PLCG2: variants seen among roughly 807,000 people sequenced by gnomAD.
The protein encoded by PLCG2 is 1-phosphatidylinositol 4,5-bisphosphate phosphodiesterase gamma-2.
In PLCG2, 69 loss-of-function variants were observed where a neutral mutation model predicts 175.6. That is an observed-to-expected ratio of 0.39 (90% CI 0.32 to 0.48). The LOEUF (loss-of-function observed/expected upper bound fraction) is 0.48, where lower values mean the gene tolerates loss of function less well. Ranked by LOEUF, PLCG2 falls within the 20% of genes least tolerant of loss-of-function variation. The probability of loss-of-function intolerance (pLI) is 0.91; values close to 1 mark genes in which losing one functional copy is unlikely to be tolerated. For missense variants in PLCG2, 1,798 were observed against 1,650.9 expected (o/e 1.09, Z -1.54); for synonymous variants, 827 against 624.0 (o/e 1.33, Z -4.85).
At chr16:81,769,754 A>G (rs1386595948) in intron 2 of PLCG2, among the ~76,000 whole-genome samples, 1 of 132,418 alleles carries the variant, frequency 7.6e-6, no homozygotes. Context: ...CGGGAGGCGG[A>G]GCTTGCAGTG....
chr16:81,847,498 C>T (rs575402000), intron 2 of PLCG2, among the ~76,000 whole-genome samples: 1 of 152,186 alleles, frequency 6.6e-6, no homozygotes, highest in Non-Finnish European at 1.5e-5. Flanking sequence ...CAACCTTCAT[C>T]CTGAGGTATC....
chr16:81,800,630 G>A (rs929641497), intron 2 of PLCG2, among the ~76,000 whole-genome samples: 1 of 152,032 alleles, frequency 6.6e-6, no homozygotes, highest in Non-Finnish European at 1.5e-5. Context: ...GGGCATTTGG[G>A]TTGATTCCCT....
chr16:81,885,051 CA>C (rs1361057809), intron 9 of PLCG2, among the ~76,000 whole-genome samples: 7,833 of 105,194 alleles, frequency 0.074, 290 homozygotes, highest in Non-Finnish European at 0.1. Flanking sequence ...CCATGCCTGA[CA>C]ATTTTTTTTT....
At chr16:81,765,440 G>T (rs963136512) in intron 2 of PLCG2, among the ~76,000 whole-genome samples, 1 of 152,218 alleles carries the variant, frequency 6.6e-6, no homozygotes, top group African/African-American at 2.4e-5. Context: ...AGACCAGCCT[G>T]GGCTACATGA....
At chr16:81,909,898 C>T (rs1259652269) in intron 17 of PLCG2, among the ~76,000 whole-genome samples, 1 of 151,598 alleles carries the variant, frequency 6.6e-6, no homozygotes, top group Non-Finnish European at 1.5e-5. Context: ...GTGGCTCAGA[C>T]AGCACGGGTG....
chr16:81,787,297 C>T (rs549969553), intron 2 of PLCG2, among the ~76,000 whole-genome samples: 1 of 152,064 alleles, frequency 6.6e-6, no homozygotes, highest in East Asian at 1.9e-4. Context: ...TCATGGCTCA[C>T]TGCAGCCTCA....
intron 26 of PLCG2, 126 bp from the exon 27 acceptor site, chr16:81,936,043 T>G: frequency 6.8e-7 from 1 of 1,473,146 alleles, no homozygotes; most frequent in African/African-American, 1.4e-5. Flanking sequence ...TCAGAACCCC[T>G]TGAATGTCAA....
intron 2 of PLCG2, chr16:81,798,984 T>C (rs1249923290): frequency 6.6e-6 from 1 of 152,286 alleles, no homozygotes; most frequent in African/African-American, 2.4e-5. Flanking sequence ...CTACACCAGG[T>C]AGTAGCATGA....
intron 9 of PLCG2, among the ~76,000 whole-genome samples, chr16:81,887,130 T>C (rs1283914228): frequency 6.6e-6 from 1 of 151,916 alleles, no homozygotes; most frequent in South Asian, 2.1e-4. Flanking sequence ...TTTTTTTTTT[T>C]TTCTTTTGAG....
chr16:81,746,164 C>T (rs992772986), intron 1 of PLCG2, among the ~76,000 whole-genome samples: 2 of 152,186 alleles, frequency 1.3e-5, no homozygotes, highest in Non-Finnish European at 2.9e-5. Context: ...GTGCTCAGGG[C>T]ACTGTGGCAC....
intron 10 of PLCG2, 122 bp from the exon 11 acceptor site, chr16:81,891,350 A>C: frequency 1.4e-6 from 1 of 692,374 alleles, no homozygotes; most frequent in Non-Finnish European, 2.7e-6. Flanking sequence ...AGGTCTGGAG[A>C]CCGCCTGTTG....
At position 81,869,245 on chromosome 16, in the gene PLCG2, C is replaced by T. The variant is rs758235707; in HGVS notation, c.511C>T (p.Pro171Ser). Reference sequence around the variant, plus strand: ...TCTCCGAGAGTTGAAGACCATCTTGCCCCTGATCAACTTTAAAGTGAGCAG... The same window carrying T: ...TCTCCGAGAGTTGAAGACCATCTTGTCCCTGATCAACTTTAAAGTGAGCAG... Reference protein sequence around the residue: ...ISLRELKTILPLINFKVSSAK... With the variant: ...ISLRELKTILSLINFKVSSAK... The change falls in exon 6 of 33, where the codon CCC becomes TCC. Residue 171 changes from proline (P) to serine (S), a missense_variant. By Grantham distance (74) the Pro-to-Ser change is moderately conservative. Coordinates refer to ENST00000564138, the MANE Select transcript of PLCG2 (RefSeq NM_002661.5). 2 of 1,613,936 alleles carry T rather than the reference C, an allele frequency of 1.2e-6. No individual in the cohort carries two copies. Among genetic ancestry groups the T allele is most frequent in the Middle Eastern group, 1.6e-4 (1 of 6,062 alleles).
At chr16:81,790,148 G>C (rs1018576976) in intron 2 of PLCG2, among the ~76,000 whole-genome samples, 3 of 152,226 alleles carry the variant, frequency 2.0e-5, no homozygotes, top group Non-Finnish European at 4.4e-5. Flanking sequence ...GCATTGGAGA[G>C]GCTCGGCTGA....
intron 5 of PLCG2, among the ~76,000 whole-genome samples, chr16:81,865,595 T>C (rs1907188575): frequency 6.6e-6 from 1 of 152,162 alleles, no homozygotes; most frequent in African/African-American, 2.4e-5. Context: ...CCTCAGTCTC[T>C]CTGTTCCTGG....
intron 5 of PLCG2, among the ~76,000 whole-genome samples, chr16:81,863,848 G>A (rs1430869262): frequency 6.6e-6 from 1 of 152,178 alleles, no homozygotes; most frequent in Non-Finnish European, 1.5e-5. Context: ...CTACCAGGAG[G>A]TGGCAAAGGG....
At chr16:81,830,522 G>A (rs752726802) in intron 2 of PLCG2, among the ~76,000 whole-genome samples, 52 of 151,904 alleles carry the variant, frequency 3.4e-4, no homozygotes, top group Non-Finnish European at 6.3e-4. Flanking sequence ...GGCCATGCTG[G>A]TCTTGGAACT....
chr16:81,837,154 C>T (rs1311333749), intron 2 of PLCG2, among the ~76,000 whole-genome samples: 5 of 152,194 alleles, frequency 3.3e-5, no homozygotes, highest in Admixed American at 2.0e-4. Context: ...GACAAACTAG[C>T]AAACTCAAAG....
chr16:81,901,307 A>G (rs1909141694), intron 14 of PLCG2, among the ~76,000 whole-genome samples: 1 of 152,196 alleles, frequency 6.6e-6, no homozygotes, highest in Admixed American at 6.5e-5. Flanking sequence ...ATGGGTGATT[A>G]TATCTGTGCC....
chr16:81,910,427 TG>T, intron 17 of PLCG2, 92 bp from the exon 18 acceptor site: 1 of 1,089,652 alleles, frequency 9.2e-7, no homozygotes, highest in Middle Eastern at 2.2e-4. Flanking sequence ...GAAGGTTGTG[TG>T]GCCACATGTA....
Sources: gnomAD v4.1 joint callset for allele counts (sites outside exome capture counted in the v4.1 genomes callset) on GRCh38, gnomAD v4.1.1 for gene constraint, MANE v1.5 for transcripts, NCBI Gene and HGNC (gene_info 2026-07-23, HGNC 2026-07-21) for gene names.